Variants in INVS observed in about 807,000 individuals in gnomAD.
INVS encodes inversin, also known as inversion of embryo turning homolog.
In INVS, 86 loss-of-function variants were observed where a neutral mutation model predicts 108.8. The observed-to-expected ratio is 0.79, with a 90% CI of 0.66 to 0.95. The LOEUF (loss-of-function observed/expected upper bound fraction) is 0.95, where lower values mean the gene tolerates loss of function less well. Among genes scored for constraint, INVS ranks in the 40% least tolerant of loss-of-function variants. The pLI, the probability that INVS is intolerant of heterozygous loss-of-function variation, is 0.00. For synonymous variants in INVS, 455 were observed against 473.5 expected (o/e 0.96, Z 0.51); for missense variants, 1,169 against 1,297.4 (o/e 0.90, Z 1.52).
At chr9:100,151,709 C>G (rs1828812805) in intron 3 of INVS, among the ~76,000 whole-genome samples, 1 of 152,096 alleles carries the variant, frequency 6.6e-6, no homozygotes, top group Admixed American at 6.6e-5. Flanking sequence ...ACATTTTCCT[C>G]CAGTTTTAGT....
chr9:100,138,303 G>A (rs1398501722), intron 3 of INVS, among the ~76,000 whole-genome samples: 1 of 152,136 alleles, frequency 6.6e-6, no homozygotes, highest in Non-Finnish European at 1.5e-5. Flanking sequence ...CTACTCGGGA[G>A]GCTGAGGCAG....
At chr9:100,157,267 C>CTTTTTCTTTT (rs1554718235) in intron 3 of INVS, among the ~76,000 whole-genome samples, 17 of 130,098 alleles carry the variant, frequency 1.3e-4, no homozygotes, top group African/African-American at 5.6e-4. Flanking sequence ...TCTTTTTTTT[C>CTTTTTCTTTT]TTTTTTTTTT....
chr9:100,136,119 T>C (rs1828216768), intron 3 of INVS, among the ~76,000 whole-genome samples: 1 of 152,188 alleles, frequency 6.6e-6, no homozygotes, highest in Admixed American at 6.5e-5. Flanking sequence ...CCACTGGATT[T>C]TTCAGTTAGA....
chr9:100,299,635 GACACACACACACACACACAC>G lies in INVS; in HGVS notation c.3092-906_3092-887del, dbSNP rs10530240. On this transcript the variant is annotated intron_variant, in intron 16 of 16. Transcript: ENST00000262457. ...AAGAATCTCAGCAGAGCCTTTTATTGACACACACACACACACACACACACACACACACACACACACACACA... is the reference window on the plus strand; with the variant it reads ...AAGAATCTCAGCAGAGCCTTTTATTGACACACACACACACACACACACACA... Among the ~76,000 whole-genome samples the G allele has an allele frequency of 3.6e-3, 481 of 132,370 alleles. 2 individuals carry two copies. The highest frequency in any genetic ancestry group is 0.013 in the African/African-American group (449 of 35,818). The allele number at this position is 132,370 out of a possible 152,430, so 86.8% of individuals were successfully genotyped here.
At chr9:100,266,590 C>A (rs1415254101) in intron 11 of INVS, among the ~76,000 whole-genome samples, 1 of 152,194 alleles carries the variant, frequency 6.6e-6, no homozygotes, top group Non-Finnish European at 1.5e-5. Flanking sequence ...AGCTTCTTTA[C>A]TGCAACCTGT....
At chr9:100,123,516 A>G (rs1827788745) in intron 2 of INVS, among the ~76,000 whole-genome samples, 1 of 152,220 alleles carries the variant, frequency 6.6e-6, no homozygotes, top group Non-Finnish European at 1.5e-5. Flanking sequence ...TGAATAGCTT[A>G]TGGATACTTG....
intron 13 of INVS, among the ~76,000 whole-genome samples, chr9:100,292,075 TTTA>T (rs1833634017): frequency 6.6e-6 from 1 of 152,220 alleles, no homozygotes; most frequent in Admixed American, 6.5e-5. Flanking sequence ...CCAGAGTTCC[TTTA>T]TTTTCTTAAA....
chr9:100,206,977 G>A (rs1451931571), intron 3 of INVS, among the ~76,000 whole-genome samples: 1 of 152,114 alleles, frequency 6.6e-6, no homozygotes, highest in Non-Finnish European at 1.5e-5. Context: ...CAGGAGTGAT[G>A]TTGTATTCCT....
intron 2 of INVS, among the ~76,000 whole-genome samples, chr9:100,119,369 T>C (rs1285387995): frequency 6.6e-6 from 1 of 152,252 alleles, no homozygotes; most frequent in Non-Finnish European, 1.5e-5. Context: ...TTTATTGCTG[T>C]GTAACAAATT....
chr9:100,156,257 C>CT (rs931919205), intron 3 of INVS, among the ~76,000 whole-genome samples: 2,754 of 124,700 alleles, frequency 0.022, 129 homozygotes, highest in African/African-American at 0.064. Flanking sequence ...GTTAGGAATA[C>CT]TTTTTTTTTT....
intron 2 of INVS, among the ~76,000 whole-genome samples, chr9:100,110,370 A>T (rs886616619): frequency 6.6e-6 from 1 of 152,208 alleles, no homozygotes; most frequent in Non-Finnish European, 1.5e-5. Context: ...ACTGAGATTA[A>T]AGCCAAGAAG....
At chr9:100,173,593 G>T (rs909357239) in intron 3 of INVS, among the ~76,000 whole-genome samples, 2 of 152,136 alleles carry the variant, frequency 1.3e-5, no homozygotes, top group African/African-American at 4.8e-5. Flanking sequence ...GCTGGGCATG[G>T]TGGTGCATGC....
intron 3 of INVS, among the ~76,000 whole-genome samples, chr9:100,154,223 G>A (rs188056094): frequency 1.4e-3 from 208 of 152,060 alleles, no homozygotes; most frequent in Middle Eastern, 3.4e-3. Flanking sequence ...GAGTGCAGTG[G>A]CACAATCATG....
intron 12 of INVS, 29 bp from the exon 13 acceptor site, chr9:100,284,291 T>G: frequency 6.2e-7 from 1 of 1,612,974 alleles, no homozygotes; most frequent in East Asian, 2.2e-5. Flanking sequence ...TTTAAATTTT[T>G]TCATCTTCTT....
At chr9:100,217,941 G>C (rs533931830) in intron 3 of INVS, among the ~76,000 whole-genome samples, 1 of 152,018 alleles carries the variant, frequency 6.6e-6, no homozygotes, top group Non-Finnish European at 1.5e-5. Context: ...CCTAGGGATA[G>C]TAATTCTTTT....
chr9:100,135,184 A>T (rs1828184507), intron 3 of INVS, among the ~76,000 whole-genome samples: 1 of 152,212 alleles, frequency 6.6e-6, no homozygotes, highest in Non-Finnish European at 1.5e-5. Flanking sequence ...AAAATGATAA[A>T]ATGTTCAGAA....
In INVS at chr9:100,302,120, T is replaced by C; in HGVS notation, c.*1446T>C. 3 of 890,260 alleles carry C rather than the reference T, an allele frequency of 3.4e-6. No individual in the cohort carries two copies. The highest frequency in any genetic ancestry group is 5.0e-6 in the Non-Finnish European group (3 of 596,050). The allele number at this position is 890,260 out of a possible 1,614,324, so 55.1% of individuals were successfully genotyped here. ...TTCAGCTTTAATGACAAAGATCTAT[T>C]ACATCAGTCTTTTTCTTCAAATAAG... is the stretch of plus-strand genomic sequence containing the variant. On this transcript the variant is annotated 3_prime_UTR_variant, in exon 17 of 17. Transcript: ENST00000262457.
chr9:100,208,811 C>T (rs1830748025), intron 3 of INVS, among the ~76,000 whole-genome samples: 1 of 152,148 alleles, frequency 6.6e-6, no homozygotes, highest in South Asian at 2.1e-4. Context: ...TTATCATGGA[C>T]ATCAAACAAT....
At chr9:100,152,722 A>G (rs912484013) in intron 3 of INVS, among the ~76,000 whole-genome samples, 2 of 152,194 alleles carry the variant, frequency 1.3e-5, no homozygotes, top group African/African-American at 2.4e-5. Context: ...GGTCTTTCAG[A>G]TTTTATAATA....
Sources: allele counts gnomAD v4.1 joint callset (sites outside exome capture counted in the v4.1 genomes callset), GRCh38; gene constraint gnomAD v4.1.1; transcripts MANE v1.5; gene names NCBI Gene and HGNC (gene_info 2026-07-23, HGNC 2026-07-21).